The following GTF3C2 variants were observed in gnomAD, a reference collection of about 807,000 sequenced individuals.
GTF3C2 encodes general transcription factor 3C polypeptide 2.
Under a neutral mutation model 117.4 loss-of-function variants are expected in GTF3C2, and 17 were observed. That is an observed-to-expected ratio of 0.14 (90% CI 0.10 to 0.22). The LOEUF (loss-of-function observed/expected upper bound fraction) is 0.22, where lower values mean the gene tolerates loss of function less well. Among genes scored for constraint, GTF3C2 ranks in the 10% least tolerant of loss-of-function variants. The pLI is 1.00. For missense variants in GTF3C2, 888 were observed against 1,143.6 expected, an observed-to-expected ratio of 0.78 and a Z score of 3.22; for synonymous variants, 437 against 427.0, an observed-to-expected ratio of 1.02 and a Z score of -0.29.
chr2:27,352,645 CA>C (rs1681175073), intron 1 of GTF3C2, among the ~76,000 whole-genome samples: 1 of 152,102 alleles, frequency 6.6e-6, no homozygotes, highest in African/African-American at 2.4e-5. Flanking sequence ...CTCCTACAGT[CA>C]AACTTTTAAG....
chr2:27,356,128 T>C (rs1165416627), intron 1 of GTF3C2: 1 of 1,287,526 alleles, frequency 7.8e-7, no homozygotes. Flanking sequence ...TCCGACGGAG[T>C]TGAAGTCGCC....
chr2:27,326,463 T>G, exon 19 of GTF3C2: 3 of 584,714 alleles, frequency 5.1e-6, no homozygotes, highest in Non-Finnish European at 9.2e-6. Flanking sequence ...GCCTTGAGAG[T>G]TGGTGGAGGG....
Position 27,329,552 on chromosome 2 carries a change from T to G in GTF3C2, c.1733-29A>C. 1 of 1,610,430 alleles carries G rather than the reference T, an allele frequency of 6.2e-7. No individual in the cohort carries two copies. Among genetic ancestry groups the G allele is most frequent in the South Asian group, 1.1e-5 (1 of 90,838 alleles). ...AAATAAGGACAGAATGTGTGAGCAT[T>G]AAAAGCAAGTTCTCTCTTCCTTGCT... On this transcript the variant is annotated intron_variant, in intron 12 of 18. Coordinates refer to ENST00000264720, the Ensembl canonical transcript of GTF3C2. The surrounding 1 kb of genome is among the most constrained non-coding windows in gnomAD (Gnocchi z 4.5).
intron 4 of GTF3C2, 42 bp from the exon 5 acceptor site, chr2:27,338,062 C>T: frequency 8.1e-7 from 1 of 1,239,612 alleles, no homozygotes; most frequent in South Asian, 1.2e-5. Flanking sequence ...GCAAATTCTA[C>T]AGGTTGGACA....
chr2:27,351,377 G>C (rs1681131741), intron 1 of GTF3C2, among the ~76,000 whole-genome samples: 1 of 152,184 alleles, frequency 6.6e-6, no homozygotes, highest in Non-Finnish European at 1.5e-5. Flanking sequence ...TCGCGCCACT[G>C]CACTCCAGCC....
chr2:27,343,557 G>T lies in GTF3C2; in HGVS notation c.-3C>A. The T allele has an allele frequency of 6.2e-7, 1 of 1,613,660 alleles. No individual in the cohort carries two copies. The highest frequency in any genetic ancestry group is 8.5e-7 in the Non-Finnish European group (1 of 1,179,674). On this transcript the variant is annotated 5_prime_UTR_variant, in exon 2 of 19. In the 5' UTR this introduces an upstream ATG that the reference lacks. Transcript: ENST00000264720. ...TAGCCGACCCCGCAGGTATCCATCA[G>T]CACCCCCCAAAATGGCTGCCCCTGC... is the stretch of plus-strand genomic sequence containing the variant.
intron 1 of GTF3C2, among the ~76,000 whole-genome samples, chr2:27,347,302 C>T (rs1680953328): frequency 6.6e-6 from 1 of 152,274 alleles, no homozygotes; most frequent in South Asian, 2.1e-4. Context: ...TGTGCTTATA[C>T]AAATCCCATA....
intron 4 of GTF3C2, chr2:27,339,978 C>T (rs1463121027): frequency 1.8e-4 from 21 of 115,160 alleles, no homozygotes; most frequent in Admixed American, 3.9e-4. Context: ...CAGAGCAAGA[C>T]TCTGTTTCAA....
At position 27,329,227 on chromosome 2, in the gene GTF3C2, G is replaced by A. The variant is rs747775019; in HGVS notation, c.1933C>T (p.Arg645Cys). 4 of 1,614,106 alleles carry A rather than the reference G, an allele frequency of 2.5e-6. No homozygotes were observed. Among genetic ancestry groups the A allele is most frequent in the Non-Finnish European group, 2.5e-6 (3 of 1,179,940 alleles). ...ATAGAGTTTATGGGTTCGTAAGGAC[G>A]TCGAAGGTCCCAGAATTTGATTTTC... The change falls in exon 14 of 19, where the codon CGT (arginine) becomes TGT (cysteine). Residue 645 changes from arginine (R) to cysteine (C), a missense_variant. By Grantham distance (180) the Arg-to-Cys change is radical. Coordinates refer to ENST00000264720, the Ensembl canonical transcript of GTF3C2. This position sits in a 1 kb window ranked among gnomAD's most constrained non-coding sequence, Gnocchi z 4.5.
At chr2:27,331,127 C>T (rs542410157) in intron 12 of GTF3C2, among the ~76,000 whole-genome samples, 6 of 152,142 alleles carry the variant, frequency 3.9e-5, no homozygotes, top group African/African-American at 1.4e-4. Flanking sequence ...GGAGGGGAGA[C>T]TAAGATAAAT....
chr2:27,335,746 C>T (rs1680442366), intron 9 of GTF3C2, 40 bp from the exon 10 acceptor site: 1 of 1,372,082 alleles, frequency 7.3e-7, no homozygotes, highest in African/African-American at 1.4e-5. Flanking sequence ...CTGCCTTCAG[C>T]TGACTCACAG....
intron 1 of GTF3C2, among the ~76,000 whole-genome samples, chr2:27,349,608 A>AG (rs1278225191): frequency 6.6e-6 from 1 of 152,114 alleles, no homozygotes; most frequent in Non-Finnish European, 1.5e-5. Context: ...AGTCGAATTT[A>AG]GGGGGAAAAC....
At chr2:27,351,351 C>G (rs1009599334) in intron 1 of GTF3C2, among the ~76,000 whole-genome samples, 2 of 152,008 alleles carry the variant, frequency 1.3e-5, no homozygotes, top group African/African-American at 4.8e-5. Context: ...AAGGTGGAGG[C>G]TGCAGTGAGC....
intron 1 of GTF3C2, among the ~76,000 whole-genome samples, chr2:27,346,519 T>C (rs1429705751): frequency 6.6e-6 from 1 of 150,444 alleles, no homozygotes; most frequent in East Asian, 2.0e-4. Flanking sequence ...GCCTGACTAA[T>C]TTTTGTATTT....
intron 1 of GTF3C2, chr2:27,356,387 G>C: frequency 1.1e-5 from 3 of 273,436 alleles, no homozygotes; most frequent in South Asian, 1.0e-4. Flanking sequence ...TAGCCTGTGC[G>C]GGAGAGGAGC....
chr2:27,345,239 C>A (rs1680876205), intron 1 of GTF3C2, among the ~76,000 whole-genome samples: 1 of 152,060 alleles, frequency 6.6e-6, no homozygotes, highest in Admixed American at 6.6e-5. Context: ...CACTGCACTC[C>A]AGCCTGGGCA....
Position 27,335,605 on chromosome 2 carries a change from T to C in GTF3C2, c.1569A>G (p.Gln523=), listed in dbSNP as rs1279883327. ...CCTTGCTGTGCTACTCACCTGGGGGTTGCTGAGCCAGCAGGGCCTCCGGAT... is the reference window on the plus strand; with the variant it reads ...CCTTGCTGTGCTACTCACCTGGGGGCTGCTGAGCCAGCAGGGCCTCCGGAT... Residue 523 remains glutamine (Q), a synonymous_variant, in exon 10 of 19, where the codon CAA becomes CAG. Coordinates refer to ENST00000264720, the Ensembl canonical transcript of GTF3C2. 2.6e-6 allele frequency: 4 copies of C among 1,534,646 alleles called. No homozygotes were observed. In the East Asian group the frequency reaches 7.3e-5, roughly 28 times the overall value.
chr2:27,336,374 C>G (rs149609307), exon 8 of GTF3C2: 1 of 1,613,318 alleles, frequency 6.2e-7, no homozygotes, highest in Non-Finnish European at 8.5e-7. Context: ...GCGGTCCCCC[C>G]GTGAAGAAGG....
chr2:27,352,852 C>T (rs904286023), intron 1 of GTF3C2, among the ~76,000 whole-genome samples: 1 of 152,186 alleles, frequency 6.6e-6, no homozygotes, highest in Non-Finnish European at 1.5e-5. Flanking sequence ...CTCTCAGCAG[C>T]TCCAACACTA....
Sources: allele counts gnomAD v4.1 joint callset (sites outside exome capture counted in the v4.1 genomes callset), GRCh38; gene constraint gnomAD v4.1.1; non-coding constraint Gnocchi (gnomAD v3.1); transcripts MANE v1.5; gene names NCBI Gene and HGNC (gene_info 2026-07-23, HGNC 2026-07-21).